ARID4B: variants seen among roughly 807,000 people sequenced by gnomAD.
ARID4B encodes the protein AT-rich interaction domain 4B.
In ARID4B, 26 loss-of-function variants were observed where a neutral mutation model predicts 147.5. The ratio of observed to expected loss-of-function variants is 0.18; its 90% CI spans 0.13 to 0.24. The LOEUF (loss-of-function observed/expected upper bound fraction) is 0.24. Among genes scored for constraint, ARID4B ranks in the 10% least tolerant of loss-of-function variants. ARID4B has a pLI of 1.00. For synonymous variants in ARID4B, 512 were observed against 507.9 expected, an observed-to-expected ratio of 1.01 and a Z score of -0.11; for missense variants, 1,179 against 1,511.5, an observed-to-expected ratio of 0.78 and a Z score of 3.65.
chr1:235,245,999 A>G (rs1489432669), intron 7 of ARID4B, among the ~76,000 whole-genome samples: 1 of 152,190 alleles, frequency 6.6e-6, no homozygotes, highest in East Asian at 1.9e-4. Flanking sequence ...GGTTTCAAGG[A>G]AAGTGTGGGG....
intron 16 of ARID4B, among the ~76,000 whole-genome samples, chr1:235,215,019 A>G (rs1666965697): frequency 6.6e-6 from 1 of 150,984 alleles, no homozygotes; most frequent in African/African-American, 2.4e-5. Flanking sequence ...TTTTTTTTGT[A>G]TTTTTAGTAG....
intron 19 of ARID4B, among the ~76,000 whole-genome samples, chr1:235,190,829 C>G (rs1317932068): frequency 2.0e-5 from 3 of 151,996 alleles, no homozygotes; most frequent in Non-Finnish European, 2.9e-5. Context: ...AAAGGAGATC[C>G]CTAGAATGGG....
chr1:235,255,263 ATATATATCTCTC>A lies in ARID4B; in HGVS notation c.274+385_274+396del, dbSNP rs1185585965. Among the ~76,000 whole-genome samples the A allele has an allele frequency of 5.6e-3, 513 of 90,822 alleles. 6 individuals carry two copies. The highest frequency in any genetic ancestry group is 0.019 in the African/African-American group (494 of 25,752). 59.6% of individuals were successfully genotyped at this position (90,822 alleles called of 152,430 possible). A position where few individuals can be genotyped will look rare whatever the true frequency, so the allele number is the denominator to read the frequency against. On this transcript the variant is annotated intron_variant, in intron 5 of 23. Transcript: ENST00000264183. Reference sequence around the variant, plus strand: ...GATAGATAGATAGATAGATAGATAGATATATATCTCTCTCTCTCTCTCTCTATATATATATAT... The same window carrying A: ...GATAGATAGATAGATAGATAGATAGATCTCTCTCTCTCTATATATATATAT...
chr1:235,273,217 G>T (rs958721158), intron 2 of ARID4B, among the ~76,000 whole-genome samples: 2 of 152,124 alleles, frequency 1.3e-5, no homozygotes, highest in Admixed American at 1.3e-4. Context: ...TCATGTGTGT[G>T]TATTTTTATA....
intron 8 of ARID4B, among the ~76,000 whole-genome samples, chr1:235,237,349 T>C (rs903645266): frequency 6.6e-6 from 1 of 152,138 alleles, no homozygotes; most frequent in East Asian, 1.9e-4. Context: ...TAATAATACC[T>C]ATCTCATAAT....
At chr1:235,294,719 G>A (rs1180998943) in intron 2 of ARID4B, among the ~76,000 whole-genome samples, 4 of 151,234 alleles carry the variant, frequency 2.6e-5, no homozygotes, top group Non-Finnish European at 5.9e-5. Flanking sequence ...TCACCATGTT[G>A]GCCAGGCTGG....
At chr1:235,315,525 T>C (rs1016067320) in intron 2 of ARID4B, among the ~76,000 whole-genome samples, 3 of 152,260 alleles carry the variant, frequency 2.0e-5, no homozygotes, top group Non-Finnish European at 4.4e-5. Flanking sequence ...TATTATTCTC[T>C]TAATTGATGA....
At chr1:235,316,425 C>T (rs1328090759) in intron 2 of ARID4B, among the ~76,000 whole-genome samples, 4 of 151,978 alleles carry the variant, frequency 2.6e-5, no homozygotes, top group African/African-American at 7.3e-5. Flanking sequence ...AGGAGAATCA[C>T]TTGAACCCAG....
At chr1:235,249,724 G>A (rs538603777) in intron 6 of ARID4B, among the ~76,000 whole-genome samples, 19 of 152,016 alleles carry the variant, frequency 1.2e-4, no homozygotes, top group African/African-American at 3.6e-4. Flanking sequence ...GGCGTATCAC[G>A]AGGTCAAGAG....
intron 15 of ARID4B, 27 bp downstream of exon 15, chr1:235,220,275 A>G: frequency 6.4e-7 from 1 of 1,565,814 alleles, no homozygotes; most frequent in East Asian, 2.3e-5. Context: ...AAAGAAAGCA[A>G]AAGACAATTA....
At chr1:235,173,742 TAAAAAAAAAAAAAA>T (rs755815257) in intron 22 of ARID4B, among the ~76,000 whole-genome samples, 2,343 of 25,800 alleles carry the variant, frequency 0.091, 161 homozygotes, top group African/African-American at 0.21. Context: ...CGTCTCTATT[TAAAAAAAAAAAAAA>T]AAAAAAAAAA....
At chr1:235,195,553 C>T (rs1436654526) in intron 18 of ARID4B, among the ~76,000 whole-genome samples, 3 of 150,730 alleles carry the variant, frequency 2.0e-5, no homozygotes, top group African/African-American at 7.3e-5. Flanking sequence ...GGTTGCACCA[C>T]TGTACTCCAG....
Position 235,168,494 on chromosome 1 carries a change from T to G in ARID4B, c.*31A>C, listed in dbSNP as rs1663093270. 2 of 1,609,166 alleles carry G rather than the reference T, an allele frequency of 1.2e-6. No individual in the cohort carries two copies. Among genetic ancestry groups the G allele is most frequent in the Non-Finnish European group, 1.7e-6 (2 of 1,176,878 alleles). ...AAAAAAAGTGGCCCTCAACAGCCAT[T>G]AAGTGCAAAGTGCTTTAGCAAGTCC... On this transcript the variant is annotated 3_prime_UTR_variant, in exon 24 of 24. Transcript: ENST00000264183.
intron 2 of ARID4B, among the ~76,000 whole-genome samples, chr1:235,317,653 A>G (rs1240286544): frequency 1.3e-5 from 2 of 152,074 alleles, no homozygotes; most frequent in African/African-American, 2.4e-5. Context: ...GCTGTCTCCA[A>G]TTTTAGAACG....
intron 2 of ARID4B, among the ~76,000 whole-genome samples, chr1:235,303,434 C>T (rs928524627): frequency 6.6e-6 from 1 of 151,032 alleles, no homozygotes; most frequent in African/African-American, 2.4e-5. Flanking sequence ...ACTCCAAGAA[C>T]GAAGATTAGG....
At chr1:235,314,941 TAA>T (rs1195270366) in intron 2 of ARID4B, among the ~76,000 whole-genome samples, 1 of 152,194 alleles carries the variant, frequency 6.6e-6, no homozygotes, top group Non-Finnish European at 1.5e-5. Flanking sequence ...TGAAACTTAC[TAA>T]AGTTATCAAT....
At chr1:235,254,833 T>C (rs568139114) in intron 5 of ARID4B, among the ~76,000 whole-genome samples, 40 of 152,042 alleles carry the variant, frequency 2.6e-4, no homozygotes, top group Admixed American at 7.2e-4. Flanking sequence ...TGAAAAGATG[T>C]TCAATCTCAC....
At chr1:235,188,191 G>C (rs1486604585) in intron 19 of ARID4B, among the ~76,000 whole-genome samples, 1 of 151,936 alleles carries the variant, frequency 6.6e-6, no homozygotes, top group Non-Finnish European at 1.5e-5. Context: ...GTATATAAAT[G>C]CAATTTCTGA....
chr1:235,181,656 G>A lies in ARID4B; in HGVS notation c.3263C>T (p.Ser1088Leu), dbSNP rs768130451. The A allele has an allele frequency of 1.8e-5, 29 of 1,613,814 alleles. 1 individual carries two copies. The highest frequency in any genetic ancestry group is 1.2e-4 in the Admixed American group (7 of 59,990). ...CACACTGGCATCAAAACCTGCTGGCGAGCTATTCCCTTCAGACTGGAGGTC... is the reference window on the plus strand; with the variant it reads ...CACACTGGCATCAAAACCTGCTGGCAAGCTATTCCCTTCAGACTGGAGGTC... ...LQDLQSEGNS[S>L]PAGFDASVSS... The change falls in exon 20 of 24, where the codon TCG (serine) becomes TTG (leucine). Residue 1088 changes from serine to leucine, a missense_variant. By Grantham distance (145) the Ser-to-Leu change is moderately radical (BLOSUM62 -2). Around this residue, in one of 10 missense-constraint regions of ARID4B, gnomAD observed 357 missense variants for 427.3 expected, o/e 0.84. Coordinates refer to ENST00000264183, the MANE Select transcript of ARID4B (RefSeq NM_016374.6).
Sources: gnomAD v4.1 joint callset for allele counts (sites outside exome capture counted in the v4.1 genomes callset) on GRCh38, gnomAD v4.1.1 for gene constraint, gnomAD v4.1.1 regional missense constraint, MANE v1.5 for transcripts, NCBI Gene and HGNC (gene_info 2026-07-23, HGNC 2026-07-21) for gene names.